Variants in CPLX1 observed in about 807,000 individuals in gnomAD.
CPLX1 encodes the protein complexin-1.
Under a neutral mutation model 15.6 loss-of-function variants are expected in CPLX1, and 6 were observed. The observed-to-expected ratio is 0.39, with a 90% CI of 0.21 to 0.76. The LOEUF (loss-of-function observed/expected upper bound fraction) is 0.76. Among genes scored for constraint, CPLX1 ranks in the 30% least tolerant of loss-of-function variants. The pLI is 0.43. For synonymous variants in CPLX1, 91 were observed against 75.2 expected (o/e 1.21, Z -1.08); for missense variants, 242 against 188.6 (o/e 1.28, Z -1.66).
intron 2 of CPLX1, among the ~76,000 whole-genome samples, chr4:811,792 G>A (rs1476344335): frequency 2.0e-5 from 3 of 152,208 alleles, no homozygotes; most frequent in African/African-American, 7.2e-5. Context: ...TCTGTCCTTT[G>A]AGTTGAGTAT....
At chr4:796,725 G>C (rs947401615) in intron 2 of CPLX1, among the ~76,000 whole-genome samples, 1 of 152,190 alleles carries the variant, frequency 6.6e-6, no homozygotes, top group African/African-American at 2.4e-5. Flanking sequence ...AACTCCACAC[G>C]TAAAGACGTC....
intron 2 of CPLX1, among the ~76,000 whole-genome samples, chr4:812,676 T>C (rs769344030): frequency 1.3e-5 from 2 of 152,092 alleles, no homozygotes; most frequent in Non-Finnish European, 2.9e-5. Context: ...CTCAAGAATA[T>C]ACTTAGGGGC....
chr4:810,299 T>C (rs1210612049), intron 2 of CPLX1, among the ~76,000 whole-genome samples: 1 of 152,188 alleles, frequency 6.6e-6, no homozygotes, highest in Non-Finnish European at 1.5e-5. Flanking sequence ...TCCACCCGCC[T>C]CGGCCTCCCA....
At chr4:815,124 TA>T (rs1746727745) in intron 2 of CPLX1, among the ~76,000 whole-genome samples, 1 of 152,064 alleles carries the variant, frequency 6.6e-6, no homozygotes, top group Admixed American at 6.5e-5. Context: ...AAGATAAAAA[TA>T]AGGGGTCAGG....
At chr4:804,109 C>G (rs1225104142) in intron 2 of CPLX1, among the ~76,000 whole-genome samples, 1 of 152,250 alleles carries the variant, frequency 6.6e-6, no homozygotes, top group African/African-American at 2.4e-5. Context: ...GTGCAGGAGG[C>G]TGCATCATCT....
chr4:812,584 G>A (rs747330594), intron 2 of CPLX1, among the ~76,000 whole-genome samples: 9 of 152,110 alleles, frequency 5.9e-5, no homozygotes, highest in Non-Finnish European at 8.8e-5. Flanking sequence ...AATACCGCTC[G>A]AATCCCACCT....
intron 2 of CPLX1, among the ~76,000 whole-genome samples, chr4:810,211 G>C (rs1041127483): frequency 6.6e-6 from 1 of 151,834 alleles, no homozygotes; most frequent in Non-Finnish European, 1.5e-5. Context: ...AACCACGCCC[G>C]GCTAATTTTT....
intron 2 of CPLX1, chr4:804,728 C>A: frequency 1.0e-6 from 1 of 985,288 alleles, no homozygotes. Flanking sequence ...AGACTCAACC[C>A]AAGTGTCACA....
rs148335344 is a variant in CPLX1, at chr4:822,670, T to G, written c.31+1822A>C. On this transcript the variant is annotated intron_variant, in intron 2 of 3. Transcript: ENST00000304062. ...TTGGTCTGTTTCTCAATAGTTCTCT[T>G]GGGGTCTCTGCCAAGCTCTGTCGTG... is the stretch of plus-strand genomic sequence containing the variant. 3.3e-3 allele frequency among the ~76,000 whole-genome samples: 509 copies of G among 152,264 alleles called. 2 individuals are homozygous for G. The highest frequency in any genetic ancestry group is 0.011 in the African/African-American group (469 of 41,538).
intron 2 of CPLX1, among the ~76,000 whole-genome samples, chr4:818,650 G>A (rs1024893902): frequency 3.7e-4 from 57 of 152,384 alleles, no homozygotes; most frequent in African/African-American, 1.3e-3. Flanking sequence ...GACGGGAAGA[G>A]GCCGAATGAG....
Position 792,552 on chromosome 4 carries a change from C to T in CPLX1, c.88G>A (p.Ala30Thr), listed in dbSNP as rs1286618959. 1 of 1,613,516 alleles carries T rather than the reference C, an allele frequency of 6.2e-7. No individual in the cohort carries two copies. The highest frequency in any genetic ancestry group is 1.7e-4 in the Middle Eastern group (1 of 6,052). The change falls in exon 3 of 4, where the codon GCC becomes ACC. Residue 30 changes from alanine (A) to threonine (T), a missense_variant. Ala to Thr is a moderately conservative substitution (Grantham distance 58). Coordinates refer to ENST00000304062, the MANE Select transcript of CPLX1 (RefSeq NM_006651.4). ...TGCCGCTCCTCCTCCTTCTTGGCGGCGTCTGGGTCCTTCTCCTCGTCACCC... is the reference window on the plus strand; with the variant it reads ...TGCCGCTCCTCCTCCTTCTTGGCGGTGTCTGGGTCCTTCTCCTCGTCACCC... ...LGGDEEKDPD[A>T]AKKEEERQEA... is the part of the protein sequence containing the mutation.
chr4:824,926 T>C (rs1350244818), intron 1 of CPLX1: 3 of 382,362 alleles, frequency 7.8e-6, no homozygotes, highest in African/African-American at 4.2e-5. Context: ...TGAAGGTGAC[T>C]GCTCCGCTCT....
intron 2 of CPLX1, among the ~76,000 whole-genome samples, chr4:794,422 G>A (rs1243613282): frequency 6.6e-6 from 1 of 152,246 alleles, no homozygotes; most frequent in Non-Finnish European, 1.5e-5. Flanking sequence ...CTCCTCAACA[G>A]AAAGCTAAGA....
At chr4:787,582 CGGA>C (rs957215316) in intron 3 of CPLX1, 2 of 756,086 alleles carry the variant, frequency 2.6e-6, no homozygotes, top group African/African-American at 3.9e-5. Context: ...CATACGAAAG[CGGA>C]GGAGGTCGCG....
At chr4:809,830 T>C (rs1378421215) in intron 2 of CPLX1, among the ~76,000 whole-genome samples, 1 of 151,640 alleles carries the variant, frequency 6.6e-6, no homozygotes, top group Non-Finnish European at 1.5e-5. Context: ...GAACTTTATA[T>C]AAAGGGGCAC....
intron 3 of CPLX1, chr4:787,673 A>G (rs1002350526): frequency 1.0e-6 from 1 of 984,218 alleles, no homozygotes; most frequent in Non-Finnish European, 1.2e-6. Flanking sequence ...CAGAGCCTCC[A>G]GAGGGAGTGT....
intron 2 of CPLX1, among the ~76,000 whole-genome samples, chr4:810,112 T>C (rs573292969): frequency 1.3e-4 from 20 of 148,762 alleles, no homozygotes; most frequent in East Asian, 4.0e-4. Flanking sequence ...TGCAGTGGCA[T>C]GATCTCAGCT....
chr4:814,914 T>C (rs1291207418), intron 2 of CPLX1, among the ~76,000 whole-genome samples: 1 of 152,214 alleles, frequency 6.6e-6, no homozygotes, highest in African/African-American at 2.4e-5. Context: ...TCTAGCCCCA[T>C]TCATTTCCCA....
intron 3 of CPLX1, among the ~76,000 whole-genome samples, chr4:791,293 C>T (rs956074584): frequency 3.3e-5 from 5 of 151,780 alleles, no homozygotes; most frequent in South Asian, 2.1e-4. Flanking sequence ...GATGCCAGGG[C>T]GCCCGGCCCC....
Sources: gnomAD v4.1 joint callset for allele counts (sites outside exome capture counted in the v4.1 genomes callset) on GRCh38, gnomAD v4.1.1 for gene constraint, MANE v1.5 for transcripts, NCBI Gene and HGNC (gene_info 2026-07-23, HGNC 2026-07-21) for gene names.